The following ACO2 variants were observed in gnomAD, a reference collection of about 807,000 sequenced individuals.
ACO2 encodes the protein aconitate hydratase, mitochondrial.
Under a neutral mutation model 84.5 loss-of-function variants are expected in ACO2, and 31 were observed. The observed-to-expected ratio is 0.37, with a 90% CI of 0.28 to 0.50. The LOEUF (loss-of-function observed/expected upper bound fraction) is 0.50. ACO2 is among the 20% of genes least tolerant of loss of function. The pLI, the probability that ACO2 is intolerant of heterozygous loss-of-function variation, is 0.97. For synonymous variants in ACO2, 414 were observed against 412.7 expected (o/e 1.00, Z -0.04); for missense variants, 685 against 1,029.3 (o/e 0.67, Z 4.58).
intron 1 of ACO2, among the ~76,000 whole-genome samples, chr22:41,492,169 G>C (rs1466446657): frequency 6.6e-6 from 1 of 152,240 alleles, no homozygotes; most frequent in Non-Finnish European, 1.5e-5. Flanking sequence ...GCATGGAACA[G>C]ATGCTTAATT....
intron 15 of ACO2, 33 bp from the exon 16 acceptor site, chr22:41,527,255 T>G (rs1357366685): frequency 2.5e-6 from 4 of 1,613,798 alleles, no homozygotes; most frequent in Non-Finnish European, 3.4e-6. Flanking sequence ...TGCCCTCCTC[T>G]GCCTTATAAC....
At chr22:41,499,987 G>T in intron 2 of ACO2, 125 bp downstream of exon 2, 1 of 1,277,494 alleles carries the variant, frequency 7.8e-7, no homozygotes, top group Non-Finnish European at 1.1e-6. Context: ...GGTATTCAAG[G>T]TACAAAGGTT....
chr22:41,508,306 G>A (rs1412670609), intron 3 of ACO2, among the ~76,000 whole-genome samples: 1 of 152,210 alleles, frequency 6.6e-6, no homozygotes, highest in Non-Finnish European at 1.5e-5. Flanking sequence ...TTTCTGTCCT[G>A]TTGGAGGATG....
chr22:41,517,751 G>T (rs962330728), intron 7 of ACO2, 120 bp downstream of exon 7: 6 of 845,430 alleles, frequency 7.1e-6, no homozygotes, highest in Middle Eastern at 2.2e-4. Flanking sequence ...CCAGACAGGC[G>T]TCCGAGGCTC....
chr22:41,493,811 C>T (rs1398557084), intron 1 of ACO2, among the ~76,000 whole-genome samples: 3 of 152,128 alleles, frequency 2.0e-5, no homozygotes, highest in Non-Finnish European at 4.4e-5. Flanking sequence ...GTAATCCCAG[C>T]ACTTTGGGAG....
At chr22:41,526,865 C>T (rs796538174) in intron 15 of ACO2, 10 of 310,320 alleles carry the variant, frequency 3.2e-5, no homozygotes, top group African/African-American at 2.2e-4. Context: ...AACCCAAGTC[C>T]TGGCCCAGCC....
At chr22:41,519,909 A>G (rs1222398932) in intron 8 of ACO2, among the ~76,000 whole-genome samples, 3 of 152,078 alleles carry the variant, frequency 2.0e-5, no homozygotes, top group East Asian at 1.9e-4. Flanking sequence ...TCTCCTAGCT[A>G]TGTGACTTCA....
chr22:41,488,950 A>G (rs738140), intron 1 of ACO2, among the ~76,000 whole-genome samples: 33,644 of 152,132 alleles, frequency 0.22, 4,918 homozygotes, highest in Non-Finnish European at 0.32. Context: ...GATCTGGTTC[A>G]GAGCTCTGGG....
intron 1 of ACO2, 106 bp downstream of exon 1, chr22:41,469,288 T>C: frequency 7.3e-7 from 1 of 1,374,944 alleles, no homozygotes; most frequent in Admixed American, 2.2e-5. Context: ...GGGGCCAACT[T>C]CTCGTGTACC....
chr22:41,525,887 G>A (rs989102348), intron 14 of ACO2: 1 of 218,476 alleles, frequency 4.6e-6, no homozygotes, highest in Non-Finnish European at 9.0e-6. Context: ...TGTGACAGAA[G>A]AGACTAATCA....
intron 15 of ACO2, 33 bp from the exon 16 acceptor site, chr22:41,527,255 T>C: frequency 6.2e-7 from 1 of 1,613,798 alleles, no homozygotes; most frequent in African/African-American, 1.3e-5. Flanking sequence ...TGCCCTCCTC[T>C]GCCTTATAAC....
At position 41,527,428 on chromosome 22, in the gene ACO2, G is replaced by A. The variant is rs775887000; in HGVS notation, c.2086+8G>A. 6.2e-6 allele frequency: 10 copies of A among 1,606,884 alleles called. No individual in the cohort carries two copies. Among genetic ancestry groups the A allele is most frequent in the Non-Finnish European group, 7.6e-6 (9 of 1,177,256 alleles). ...GCTTTGCCAGGATCCACGGTGAGCTGGAGTCTGTACCCAGGCCATCCTCAT... is the reference window on the plus strand; with the variant it reads ...GCTTTGCCAGGATCCACGGTGAGCTAGAGTCTGTACCCAGGCCATCCTCAT... On this transcript the variant is annotated splice_region_variant and intron_variant, in intron 16 of 17. Transcript: ENST00000216254.
At chr22:41,497,899 AT>A (rs1214434911) in intron 1 of ACO2, among the ~76,000 whole-genome samples, 1 of 151,642 alleles carries the variant, frequency 6.6e-6, no homozygotes, top group African/African-American at 2.4e-5. Flanking sequence ...AATAAAAAAA[AT>A]ATTGGGAGGC....
Position 41,494,795 on chromosome 22 carries a change from G to A in ACO2, c.37-4931G>A, listed in dbSNP as rs1312218497. 5.3e-5 allele frequency among the ~76,000 whole-genome samples: 8 copies of A among 151,512 alleles called. No individual in the cohort carries two copies. In the East Asian group the frequency reaches 5.8e-4, roughly 11 times the overall value. On this transcript the variant is annotated intron_variant, in intron 1 of 17. Transcript: ENST00000216254. ...GTCACCCAGGCTGGAGTGCAATGGC[G>A]GGATCTCGGCTCACTGCAACCTCTG...
In ACO2 at chr22:41,526,030, A is replaced by G; in HGVS notation, c.1762-232A>G. 2.1e-6 allele frequency: 1 copy of G among 485,582 alleles called. No homozygotes were observed. Among genetic ancestry groups the G allele is most frequent in the Non-Finnish European group, 3.7e-6 (1 of 271,186 alleles). The allele number at this position is 485,582 out of a possible 1,614,324, so 30.1% of individuals were successfully genotyped here. On this transcript the variant is annotated intron_variant, in intron 14 of 17. Coordinates refer to ENST00000216254, the MANE Select transcript of ACO2 (RefSeq NM_001098.3). ...AACTTTGGGCGGCCTCTGCCCCATA[A>G]GGGAGACTGAGCAGCCAGAGGCCTT...
intron 1 of ACO2, among the ~76,000 whole-genome samples, chr22:41,489,919 C>T (rs1303710828): frequency 6.6e-6 from 1 of 152,126 alleles, no homozygotes; most frequent in Non-Finnish European, 1.5e-5. Context: ...CAAATTGCCG[C>T]TAAACAATTC....
chr22:41,523,349 A>T, intron 11 of ACO2, 71 bp downstream of exon 11: 1 of 1,255,620 alleles, frequency 8.0e-7, no homozygotes, highest in South Asian at 1.4e-5. Context: ...TTGGAGGGGG[A>T]ATTATTGGGG....
Position 41,520,291 on chromosome 22 carries a change from C to G in ACO2, c.1138+15C>G. 1.2e-6 allele frequency: 2 copies of G among 1,605,736 alleles called. No individual in the cohort carries two copies. Among genetic ancestry groups the G allele is most frequent in the South Asian group, 1.1e-5 (1 of 90,762 alleles). ...CATCCGAGTGGGTGAGCACCTTCCA[C>G]CCCATCTGTTTAGCAGGTCTCAGGG... On this transcript the variant is annotated intron_variant, in intron 9 of 17. Transcript: ENST00000216254.
intron 1 of ACO2, among the ~76,000 whole-genome samples, chr22:41,498,325 A>T (rs76073491): frequency 6.6e-6 from 1 of 152,138 alleles, no homozygotes; most frequent in East Asian, 1.9e-4. Flanking sequence ...AAAAAAAAAA[A>T]TTAACTAATA....
Sources: gnomAD v4.1 joint callset for allele counts (sites outside exome capture counted in the v4.1 genomes callset) on GRCh38, gnomAD v4.1.1 for gene constraint, MANE v1.5 for transcripts, NCBI Gene and HGNC (gene_info 2026-07-23, HGNC 2026-07-21) for gene names.